The following ARID2 variants were observed in gnomAD, a reference collection of about 807,000 sequenced individuals.
ARID2 encodes AT-rich interaction domain 2, also known as AT-rich interactive domain-containing protein 2.
A neutral mutation model predicts 184.6 loss-of-function variants in ARID2; 32 were observed. The ratio of observed to expected loss-of-function variants is 0.17; its 90% CI spans 0.13 to 0.23. The LOEUF is 0.23. ARID2 is among the 10% of genes least tolerant of loss of function. The pLI, the probability that ARID2 is intolerant of heterozygous loss-of-function variation, is 1.00. For synonymous variants in ARID2, 836 were observed against 772.6 expected, an observed-to-expected ratio of 1.08 and a Z score of -1.36; for missense variants, 1,696 against 2,197.6, an observed-to-expected ratio of 0.77 and a Z score of 4.56.
chr12:45,899,085 A>G (rs1328256178), intron 20 of ARID2, among the ~76,000 whole-genome samples: 1 of 150,828 alleles, frequency 6.6e-6, no homozygotes, highest in East Asian at 2.0e-4. Context: ...CATCCTGGCC[A>G]ACATGGTGAA....
chr12:45,907,954 C>T lies in ARID2; in HGVS notation c.*2876C>T. 1 of 231,324 alleles carries T rather than the reference C, an allele frequency of 4.3e-6. No individual in the cohort carries two copies. Among genetic ancestry groups the T allele is most frequent in the Non-Finnish European group, 8.6e-6 (1 of 116,946 alleles). The allele number at this position is 231,324 out of a possible 1,614,324, so 14.3% of individuals were successfully genotyped here. ...TGAGACTCAGTAATCCAACCCACACCTGAGAACTCGTCTCATTACTTTATA... is the reference window on the plus strand; with the variant it reads ...TGAGACTCAGTAATCCAACCCACACTTGAGAACTCGTCTCATTACTTTATA... On this transcript the variant is annotated 3_prime_UTR_variant, in exon 21 of 21. Coordinates refer to ENST00000334344, the MANE Select transcript of ARID2 (RefSeq NM_152641.4).
At chr12:45,765,795 A>G (rs1941760864) in intron 3 of ARID2, among the ~76,000 whole-genome samples, 1 of 152,150 alleles carries the variant, frequency 6.6e-6, no homozygotes. Context: ...GAATGTGAAC[A>G]TATTCATCAC....
intron 20 of ARID2, among the ~76,000 whole-genome samples, chr12:45,899,204 G>A (rs139061924): frequency 7.2e-4 from 106 of 148,036 alleles, no homozygotes; most frequent in Non-Finnish European, 1.3e-3. Context: ...CCCGTAAGGC[G>A]GAGGTTGCGG....
At chr12:45,764,490 CT>C (rs1334768629) in intron 3 of ARID2, among the ~76,000 whole-genome samples, 1 of 152,198 alleles carries the variant, frequency 6.6e-6, no homozygotes, top group African/African-American at 2.4e-5. Flanking sequence ...TGTGTTACCC[CT>C]CACATTCTTC....
chr12:45,754,288 A>G (rs1048155820), intron 3 of ARID2, among the ~76,000 whole-genome samples: 1 of 152,208 alleles, frequency 6.6e-6, no homozygotes, highest in Non-Finnish European at 1.5e-5. Flanking sequence ...AAGTCCAAAT[A>G]TATTAGTAGG....
At chr12:45,732,326 A>G (rs1941019579) in intron 3 of ARID2, among the ~76,000 whole-genome samples, 2 of 152,162 alleles carry the variant, frequency 1.3e-5, no homozygotes, top group African/African-American at 4.8e-5. Context: ...ATTGTGTATT[A>G]CGTTCAGCAT....
At chr12:45,786,011 G>C (rs1942191249) in intron 3 of ARID2, among the ~76,000 whole-genome samples, 2 of 152,032 alleles carry the variant, frequency 1.3e-5, no homozygotes, top group South Asian at 4.1e-4. Flanking sequence ...GCTATAGAGA[G>C]GGTCATATTT....
intron 3 of ARID2, among the ~76,000 whole-genome samples, chr12:45,790,914 T>A (rs1942280222): frequency 6.6e-6 from 1 of 152,210 alleles, no homozygotes; most frequent in African/African-American, 2.4e-5. Flanking sequence ...TTTTCTTTGT[T>A]TTCTTTTTTA....
chr12:45,835,696 T>G (rs1943207549), intron 6 of ARID2, among the ~76,000 whole-genome samples: 1 of 152,026 alleles, frequency 6.6e-6, no homozygotes, highest in Non-Finnish European at 1.5e-5. Flanking sequence ...GGTCAAGAGA[T>G]TGAGACCATC....
At chr12:45,753,541 T>C (rs1007485338) in intron 3 of ARID2, among the ~76,000 whole-genome samples, 3 of 152,224 alleles carry the variant, frequency 2.0e-5, no homozygotes, top group African/African-American at 7.2e-5. Flanking sequence ...TAGTTTAATC[T>C]ATAAATGCAA....
chr12:45,733,774 T>A (rs947664272), intron 3 of ARID2, among the ~76,000 whole-genome samples: 1 of 152,218 alleles, frequency 6.6e-6, no homozygotes, highest in Non-Finnish European at 1.5e-5. Flanking sequence ...TTATTTTTGA[T>A]ACAAATATTG....
chr12:45,824,879 A>G lies in ARID2; in HGVS notation c.705+3392A>G, dbSNP rs1159067718. The stretch of plus-strand genomic sequence containing the variant: ...GTTATATATATACATATATATATAT[A>G]TATGTATATATAAAATGAAATACTA... On this transcript the variant is annotated intron_variant, in intron 6 of 20. Transcript: ENST00000334344. Among the ~76,000 whole-genome samples, 6 of 149,746 alleles carry G rather than the reference A, an allele frequency of 4.0e-5. No homozygotes were observed. The East Asian group carries it at 1.2e-3, about 29-fold the overall frequency.
intron 10 of ARID2, 72 bp from the exon 11 acceptor site, chr12:45,839,257 C>A: frequency 7.5e-7 from 1 of 1,334,004 alleles, no homozygotes; most frequent in Non-Finnish European, 1.0e-6. Flanking sequence ...TTCTGTACAA[C>A]ATGTGTTCAC....
At chr12:45,748,812 A>G (rs898723226) in intron 3 of ARID2, among the ~76,000 whole-genome samples, 2 of 151,902 alleles carry the variant, frequency 1.3e-5, no homozygotes, top group Non-Finnish European at 2.9e-5. Flanking sequence ...TTCTTTGCTC[A>G]TCCCTGAGAA....
chr12:45,849,755 T>G lies in ARID2; in HGVS notation c.1891T>G (p.Ser631Ala), dbSNP rs748995238. 1.9e-5 allele frequency: 30 copies of G among 1,612,104 alleles called. No individual in the cohort carries two copies. The highest frequency in any genetic ancestry group is 2.5e-5 in the Non-Finnish European group (29 of 1,179,056). The change falls in exon 14 of 21, where the codon TCT becomes GCT. Residue 631 changes from serine (S) to alanine (A), a missense_variant. By Grantham distance (99) the Ser-to-Ala change is moderately conservative. Coordinates refer to ENST00000334344, the MANE Select transcript of ARID2 (RefSeq NM_152641.4). Reference sequence around the variant, plus strand: ...TCGTGTTGATTCTGTTCCTGATGTATCTCCTGCTCCTTCACCTGCAGGTGT... The same window carrying G: ...TCGTGTTGATTCTGTTCCTGATGTAGCTCCTGCTCCTTCACCTGCAGGTGT... The part of the protein sequence containing the change: ...VVRVDSVPDV[S>A]PAPSPAGIPH...
chr12:45,789,966 C>T (rs1045307900), intron 3 of ARID2, among the ~76,000 whole-genome samples: 30 of 152,088 alleles, frequency 2.0e-4, no homozygotes, highest in African/African-American at 7.0e-4. Context: ...AAAACCAAAA[C>T]AAAACAAAAC....
At chr12:45,821,332 G>A in intron 5 of ARID2, 88 bp from the exon 6 acceptor site, 1 of 726,866 alleles carries the variant, frequency 1.4e-6, no homozygotes, top group Non-Finnish European at 2.1e-6. Flanking sequence ...ATGTAGTTTT[G>A]TTGTTTTTCC....
chr12:45,890,273 A>G (rs772470330), intron 16 of ARID2, among the ~76,000 whole-genome samples: 30 of 152,202 alleles, frequency 2.0e-4, no homozygotes, highest in African/African-American at 6.8e-4. Context: ...CCTTTTTCCT[A>G]TGGCTGCTAC....
At chr12:45,885,583 T>C (rs1944172784) in intron 16 of ARID2, among the ~76,000 whole-genome samples, 1 of 152,208 alleles carries the variant, frequency 6.6e-6, no homozygotes, top group African/African-American at 2.4e-5. Context: ...ACTATCTGTA[T>C]TGTCCATTCT....
Sources: gnomAD v4.1 joint callset for allele counts (sites outside exome capture counted in the v4.1 genomes callset) on GRCh38, gnomAD v4.1.1 for gene constraint, MANE v1.5 for transcripts, NCBI Gene and HGNC (gene_info 2026-07-23, HGNC 2026-07-21) for gene names.